BBS9: variants seen among roughly 807,000 people sequenced by gnomAD.
BBS9 encodes Bardet-Biedl syndrome 9, also known as protein PTHB1.
A neutral mutation model predicts 117.7 loss-of-function variants in BBS9; 89 were observed. The observed-to-expected ratio is 0.76, with a 90% confidence interval of 0.64 to 0.90. The LOEUF is 0.90. Ranked by LOEUF, BBS9 falls within the 40% of genes least tolerant of loss-of-function variation. The pLI, the probability that BBS9 is intolerant of heterozygous loss-of-function variation, is 0.00. For synonymous variants in BBS9, 379 were observed against 370.9 expected (o/e 1.02, Z -0.25); for missense variants, 982 against 1,042.2 (o/e 0.94, Z 0.80).
chr7:33,554,027 A>G (rs530080945), intron 21 of BBS9, among the ~76,000 whole-genome samples: 13 of 152,186 alleles, frequency 8.5e-5, no homozygotes, highest in African/African-American at 2.6e-4. Flanking sequence ...AGAAATGAGG[A>G]AGCAGGGGAA....
chr7:33,160,345 T>C (rs1041764114), intron 4 of BBS9, among the ~76,000 whole-genome samples: 12 of 152,190 alleles, frequency 7.9e-5, no homozygotes, highest in African/African-American at 2.7e-4. Flanking sequence ...TTCTAACTGA[T>C]TATGAGGCAA....
chr7:33,236,890 T>C (rs1793624769), intron 5 of BBS9, among the ~76,000 whole-genome samples: 2 of 152,146 alleles, frequency 1.3e-5, no homozygotes, highest in Non-Finnish European at 2.9e-5. Context: ...CCAGTCTAAT[T>C]GAAACTTTGT....
intron 5 of BBS9, among the ~76,000 whole-genome samples, chr7:33,208,712 T>A (rs1048418342): frequency 6.6e-6 from 1 of 152,124 alleles, no homozygotes; most frequent in African/African-American, 2.4e-5. Flanking sequence ...ATGCAGAAAG[T>A]ATGGATTCAG....
chr7:33,177,681 C>T, intron 5 of BBS9, 90 bp downstream of exon 5: 1 of 959,520 alleles, frequency 1.0e-6, no homozygotes, highest in Non-Finnish European at 1.7e-6. Context: ...TGGTTTGACT[C>T]TCAGAAAGAG....
At position 33,574,698 on chromosome 7, in the gene BBS9, C is replaced by CACACACAT. The variant is rs1554543957; in HGVS notation, c.2522-30160_2522-30159insTACACACA. ...AAGTCATAGAAAACACACACACACA[C>CACACACAT]ACACACACACACACACACACACACA... On this transcript the variant is annotated intron_variant, in intron 21 of 22. Coordinates refer to ENST00000242067, the MANE Select transcript of BBS9 (RefSeq NM_198428.3). 1.4e-3 allele frequency among the ~76,000 whole-genome samples: 189 copies of CACACACAT among 138,804 alleles called. 1 individual carries two copies. The highest frequency in any genetic ancestry group is 5.5e-3 in the African/African-American group (182 of 33,386). 91.1% of individuals were successfully genotyped at this position (138,804 alleles called of 152,430 possible). A position where few individuals can be genotyped will look rare whatever the true frequency, so the allele number is the denominator to read the frequency against.
intron 20 of BBS9, among the ~76,000 whole-genome samples, chr7:33,525,115 A>G (rs1849277005): frequency 6.6e-6 from 1 of 152,296 alleles, no homozygotes; most frequent in Non-Finnish European, 1.5e-5. Context: ...TCTGAGAGAT[A>G]GTTTGTTATA....
chr7:33,513,225 G>A (rs1483020573), intron 20 of BBS9, among the ~76,000 whole-genome samples: 2 of 152,126 alleles, frequency 1.3e-5, no homozygotes, highest in Non-Finnish European at 2.9e-5. Flanking sequence ...TTAAAATTGT[G>A]TCTCCTGTCT....
intron 21 of BBS9, among the ~76,000 whole-genome samples, chr7:33,625,863 G>A (rs535421993): frequency 2.0e-5 from 3 of 152,162 alleles, no homozygotes; most frequent in Admixed American, 6.5e-5. Context: ...AATCATCTTA[G>A]TTAAGCTCTC....
At chr7:33,457,373 G>C (rs926141865) in intron 19 of BBS9, among the ~76,000 whole-genome samples, 1 of 152,146 alleles carries the variant, frequency 6.6e-6, no homozygotes, top group East Asian at 1.9e-4. Context: ...TTGAGAAATA[G>C]GATAGGAAGA....
chr7:33,277,529 A>T (rs1465786945), intron 9 of BBS9, among the ~76,000 whole-genome samples: 1 of 152,194 alleles, frequency 6.6e-6, no homozygotes, highest in Non-Finnish European at 1.5e-5. Flanking sequence ...TCAGTAGAGA[A>T]AGAGTTTAAT....
At chr7:33,138,402 TCA>T (rs1391920443) in intron 1 of BBS9, among the ~76,000 whole-genome samples, 3 of 151,226 alleles carry the variant, frequency 2.0e-5, no homozygotes, top group Non-Finnish European at 4.4e-5. Flanking sequence ...CAATCAGGTA[TCA>T]GTTACATCAG....
intron 19 of BBS9, among the ~76,000 whole-genome samples, chr7:33,504,140 A>G (rs1487891232): frequency 1.3e-5 from 2 of 152,238 alleles, no homozygotes; most frequent in Non-Finnish European, 2.9e-5. Context: ...GGAGTAGCAC[A>G]GTACTAGGCA....
At position 33,279,303 on chromosome 7, in the gene BBS9, T is replaced by C. The variant is rs555705865; in HGVS notation, c.1016+5347T>C. Among the ~76,000 whole-genome samples, 25 of 152,308 alleles carry C rather than the reference T, an allele frequency of 1.6e-4. 1 individual carries two copies. The South Asian group carries it at 5.0e-3, about 30-fold the overall frequency. On this transcript the variant is annotated intron_variant, in intron 9 of 22. Coordinates refer to ENST00000242067, the MANE Select transcript of BBS9 (RefSeq NM_198428.3). ...GTTGCCCAGGCTGGTCTTGAACTTA[T>C]GGCCTCAAGTGATCCTCCCACCTTG... is the stretch of plus-strand genomic sequence containing the variant.
At chr7:33,323,604 C>T (rs1316971054) in intron 9 of BBS9, among the ~76,000 whole-genome samples, 1 of 151,822 alleles carries the variant, frequency 6.6e-6, no homozygotes, top group South Asian at 2.1e-4. Context: ...TTTTATCATT[C>T]TTTTATTGTT....
intron 19 of BBS9, among the ~76,000 whole-genome samples, chr7:33,395,284 TTGCCTTCAAATGC>T (rs1362731246): frequency 6.6e-6 from 1 of 152,210 alleles, no homozygotes; most frequent in East Asian, 1.9e-4. Flanking sequence ...TTTAGCTTCT[TTGCCTTCAAATGC>T]TAATGCTGAT....
At chr7:33,242,804 C>A (rs1174585069) in intron 5 of BBS9, among the ~76,000 whole-genome samples, 3 of 152,008 alleles carry the variant, frequency 2.0e-5, no homozygotes, top group Non-Finnish European at 4.4e-5. Context: ...TAATGATAGA[C>A]CATGTTAAAT....
At chr7:33,383,216 T>G (rs1409331015) in intron 17 of BBS9, among the ~76,000 whole-genome samples, 1 of 152,210 alleles carries the variant, frequency 6.6e-6, no homozygotes, top group Non-Finnish European at 1.5e-5. Context: ...GCTTTGATCA[T>G]GATTACAGTG....
At chr7:33,503,356 A>C (rs1197782428) in intron 19 of BBS9, among the ~76,000 whole-genome samples, 3 of 152,166 alleles carry the variant, frequency 2.0e-5, no homozygotes, top group African/African-American at 4.8e-5. Flanking sequence ...ACTAAGTCGC[A>C]GGGGAGATGT....
At chr7:33,377,126 T>A (rs1824042396) in intron 17 of BBS9, among the ~76,000 whole-genome samples, 1 of 152,226 alleles carries the variant, frequency 6.6e-6, no homozygotes, top group African/African-American at 2.4e-5. Context: ...TACCAATTCC[T>A]ATGCCCAGAA....
Sources: gnomAD v4.1 joint callset for allele counts (sites outside exome capture counted in the v4.1 genomes callset) on GRCh38, gnomAD v4.1.1 for gene constraint, MANE v1.5 for transcripts, NCBI Gene and HGNC (gene_info 2026-07-23, HGNC 2026-07-21) for gene names.